The following RNF213 variants were observed in gnomAD, a reference collection of about 807,000 sequenced individuals.
The protein encoded by RNF213 is ring finger protein 213.
RNF213 carries 341 observed loss-of-function variants against 514.4 expected under a neutral mutation model. The observed-to-expected ratio is 0.66, with a 90% CI of 0.61 to 0.73. RNF213 has a LOEUF of 0.73. Among genes scored for constraint, RNF213 ranks in the 30% least tolerant of loss-of-function variants. The pLI is 0.00. For synonymous variants in RNF213, 2,655 were observed against 2,658.2 expected, an observed-to-expected ratio of 1.00 and a Z score of 0.04; for missense variants, 5,767 against 6,615.6, an observed-to-expected ratio of 0.87 and a Z score of 4.45.
rs1432586876 is a variant in RNF213 at position 80,381,580 on chromosome 17, G to A, written c.13831G>A (p.Asp4611Asn). The part of the protein sequence containing the change: ...LINIIKPPVR[D>N]PKGFLQQHIL... ...AAACATCATTAAGCCTCCAGTGAGG[G>A]ATCCAAAAGGCTTTCTGCAGCAGCA... Residue 4611 changes from aspartate to asparagine, a missense_variant, in exon 57 of 68, where the codon GAT becomes AAT. Asp to Asn is a conservative substitution (Grantham distance 23, BLOSUM62 1). This residue lies in a region of RNF213 where 1,245 missense variants were observed against 1,339.0 expected (regional missense o/e 0.93). Transcript: ENST00000582970. 2 of 1,614,174 alleles carry A rather than the reference G, an allele frequency of 1.2e-6. No homozygotes were observed. The highest frequency in any genetic ancestry group is 1.7e-5 in the Admixed American group (1 of 60,030).
intron 8 of RNF213, among the ~76,000 whole-genome samples, chr17:80,293,099 C>T (rs780563427): frequency 2.0e-5 from 3 of 151,910 alleles, no homozygotes; most frequent in Non-Finnish European, 2.9e-5. Flanking sequence ...GCTCTGTCAC[C>T]CAAGCTGGAG....
rs755923601 is a variant in RNF213 at position 80,332,068 on chromosome 17, A to G, written c.3580A>G (p.Thr1194Ala). 1 of 1,537,080 alleles carries G rather than the reference A, an allele frequency of 6.5e-7. No homozygotes were observed. Among genetic ancestry groups the G allele is most frequent in the East Asian group, 2.4e-5 (1 of 40,934 alleles). Residue 1194 changes from threonine to alanine, a missense_variant, in exon 21 of 68, where the codon ACC (threonine) becomes GCC (alanine). Physicochemically the swap from Thr to Ala is moderately conservative, Grantham distance 58. Transcript: ENST00000582970. ...QDLSSKRLNDTVTVRLSTSSN... is the reference protein window; with the variant it reads ...QDLSSKRLNDAVTVRLSTSSN... The stretch of plus-strand genomic sequence containing the variant: ...CCTCAGCAGTAAAAGATTAAATGAC[A>G]CCGTGACAGTGAGACTGTCCACCTC...
chr17:80,342,726 A>G (rs1217078687), intron 26 of RNF213, among the ~76,000 whole-genome samples: 1 of 141,666 alleles, frequency 7.1e-6, no homozygotes, highest in Non-Finnish European at 1.5e-5. Context: ...TAGTATGTAT[A>G]TATATATTAT....
Position 80,364,650 on chromosome 17 carries a change from T to C in RNF213, c.11871+97T>C, listed in dbSNP as rs537304842. 133 of 1,503,762 alleles carry C rather than the reference T, an allele frequency of 8.8e-5. 1 individual carries two copies. Among genetic ancestry groups the C allele is most frequent in the Admixed American group, 6.8e-4 (40 of 58,516 alleles). The allele number at this position is 1,503,762 out of a possible 1,614,324, so 93.2% of individuals were successfully genotyped here. A position where few individuals can be genotyped will look rare whatever the true frequency, so the allele number is the denominator to read the frequency against. On this transcript the variant is annotated intron_variant, in intron 42 of 67. Transcript: ENST00000582970. ...TGATCTGCGGCTGGGAGACGCTCTTTTGGCTCTGACCGTTTTGTCTAGACA... is the reference window on the plus strand; with the variant it reads ...TGATCTGCGGCTGGGAGACGCTCTTCTGGCTCTGACCGTTTTGTCTAGACA...
chr17:80,306,056 C>T (rs2045346171), intron 11 of RNF213, among the ~76,000 whole-genome samples, 196 bp from the exon 12 acceptor site: 1 of 152,016 alleles, frequency 6.6e-6, no homozygotes, highest in Non-Finnish European at 1.5e-5. Flanking sequence ...TTTCAAGCTC[C>T]TGGGCTCAAG....
chr17:80,339,786 G>A lies in RNF213; in HGVS notation c.5419G>A (p.Ala1807Thr), dbSNP rs1476005752. ...LDLETLGHCL[A>T]HLAGMGGSPV... ...CCTAGAGACCCTTGGCCACTGTCTG[G>A]CTCACCTGGCAGGGATGGGTGGGTC... is the stretch of plus-strand genomic sequence containing the variant. The change falls in exon 26 of 68, where the codon GCT (alanine) becomes ACT (threonine). Residue 1807 changes from alanine to threonine, a missense_variant. By Grantham distance (58) the Ala-to-Thr change is moderately conservative. Coordinates refer to ENST00000582970, the MANE Select transcript of RNF213 (RefSeq NM_001256071.3). 6.5e-7 allele frequency: 1 copy of A among 1,534,952 alleles called. No individual in the cohort carries two copies. The highest frequency in any genetic ancestry group is 8.7e-7 in the Non-Finnish European group (1 of 1,145,212).
intron 65 of RNF213, 125 bp from the exon 66 acceptor site, chr17:80,389,703 A>C: frequency 1.2e-6 from 1 of 839,604 alleles, no homozygotes. Flanking sequence ...GAGGGAGATC[A>C]CATTAGTACA....
intron 42 of RNF213, among the ~76,000 whole-genome samples, chr17:80,367,275 G>A (rs989675486): frequency 6.6e-6 from 1 of 152,172 alleles, no homozygotes; most frequent in Non-Finnish European, 1.5e-5. Context: ...GGGGAGGGAC[G>A]GAGGGATGTG....
intron 3 of RNF213, among the ~76,000 whole-genome samples, chr17:80,283,458 T>A (rs1224548203): frequency 1.1e-4 from 17 of 152,252 alleles, no homozygotes; most frequent in Non-Finnish European, 2.1e-4. Flanking sequence ...CTCCTGCAGT[T>A]GCGTCTGCGC....
intron 60 of RNF213, 49 bp downstream of exon 60, chr17:80,385,220 C>T (rs776914947): frequency 3.8e-5 from 62 of 1,611,636 alleles, no homozygotes; most frequent in East Asian, 6.7e-5. Context: ...TTTGGCGGTT[C>T]GAAAGGATCA....
At chr17:80,308,881 A>G (rs1329228126) in intron 13 of RNF213, 137 bp from the exon 14 acceptor site, 25 of 1,029,910 alleles carry the variant, frequency 2.4e-5, no homozygotes, top group Non-Finnish European at 3.6e-5. Context: ...GAGATTTTCC[A>G]GACGTTAACC....
intron 39 of RNF213, 149 bp from the exon 40 acceptor site, chr17:80,362,953 A>C (rs2144389207): frequency 3.9e-6 from 3 of 776,902 alleles, no homozygotes; most frequent in Non-Finnish European, 6.3e-6. Flanking sequence ...AGGCAGATAG[A>C]AAACTGGACA....
rs773440044 is a variant in RNF213 at position 80,295,783 on chromosome 17, A to T, written c.1982A>T (p.Asp661Val). 6.2e-7 allele frequency: 1 copy of T among 1,614,140 alleles called. No homozygotes were observed. Residue 661 changes from aspartate (D) to valine (V), a missense_variant, in exon 10 of 68, where the codon GAC becomes GTC. Asp to Val is a radical substitution (Grantham distance 152). Transcript: ENST00000582970. ...DASSPDEFHRDLSHILGIPQS... is the reference protein window; with the variant it reads ...DASSPDEFHRVLSHILGIPQS... ...AGCTCACCAGATGAGTTTCACCGTG[A>T]CCTAAGCCACATCCTTGGGATACCT...
intron 42 of RNF213, chr17:80,364,766 C>T (rs973576079): frequency 1.6e-5 from 9 of 576,800 alleles, no homozygotes; most frequent in Non-Finnish European, 2.8e-5. Context: ...TAAGTCAGAG[C>T]ATATCATTTA....
At chr17:80,368,624 G>A (rs1012296994) in intron 44 of RNF213, among the ~76,000 whole-genome samples, 8 of 152,010 alleles carry the variant, frequency 5.3e-5, no homozygotes, top group Admixed American at 5.2e-4. Context: ...GTAGAGACAG[G>A]GTTTCACCAT....
intron 30 of RNF213, 64 bp downstream of exon 30, chr17:80,349,970 T>A: frequency 6.3e-7 from 1 of 1,592,670 alleles, no homozygotes; most frequent in Non-Finnish European, 8.6e-7. Flanking sequence ...GGCTTCTGCG[T>A]GGCGATGGTA....
chr17:80,314,302 A>T lies in RNF213; in HGVS notation c.2811+1135A>T, dbSNP rs1256288640. On this transcript the variant is annotated intron_variant, in intron 15 of 67. Transcript: ENST00000582970. Reference sequence around the variant, plus strand: ...GAGGTACTGGAGGTGATGGTGGTGGACGTGATGGTGGAGGTAATGGAGGTG... The same window carrying T: ...GAGGTACTGGAGGTGATGGTGGTGGTCGTGATGGTGGAGGTAATGGAGGTG... Among the ~76,000 whole-genome samples the T allele has an allele frequency of 2.8e-4, 18 of 64,118 alleles. No homozygotes were observed. In the East Asian group the frequency reaches 4.5e-3, roughly 16 times the overall value. 42.1% of individuals were successfully genotyped at this position (64,118 alleles called of 152,430 possible).
At position 80,377,649 on chromosome 17, in the gene RNF213, A is replaced by G. The variant is rs1411104757; in HGVS notation, c.13511-113A>G. 2 of 1,107,040 alleles carry G rather than the reference A, an allele frequency of 1.8e-6. No homozygotes were observed. The highest frequency in any genetic ancestry group is 4.7e-5 in the East Asian group (2 of 42,626). 68.6% of individuals were successfully genotyped at this position (1,107,040 alleles called of 1,614,324 possible). A position where few individuals can be genotyped will look rare whatever the true frequency, so the allele number is the denominator to read the frequency against. On this transcript the variant is annotated intron_variant, in intron 53 of 67. Coordinates refer to ENST00000582970, the MANE Select transcript of RNF213 (RefSeq NM_001256071.3). This position sits in a 1 kb window ranked among gnomAD's most constrained non-coding sequence, Gnocchi z 4.1. ...CAAATTAGCGTGGGATGCTCTGGAC[A>G]GTCATTCTCATATTGTGGTCAGGGC...
rs200898632 is a variant in RNF213 at position 80,332,096 on chromosome 17, C to T, written c.3608C>T (p.Ser1203Leu). 333 of 1,537,192 alleles carry T rather than the reference C, an allele frequency of 2.2e-4. No homozygotes were observed. The highest frequency in any genetic ancestry group is 2.7e-4 in the Non-Finnish European group (307 of 1,146,918). ...DTVTVRLSTS[S>L]NSQRATHYHL... Reference sequence around the variant, plus strand: ...GTGACAGTGAGACTGTCCACCTCCTCGAACTCGCAGAGGGCAACGCATTAC... The same window carrying T: ...GTGACAGTGAGACTGTCCACCTCCTTGAACTCGCAGAGGGCAACGCATTAC... The change falls in exon 21 of 68, where the codon TCG becomes TTG. Residue 1203 changes from serine to leucine, a missense_variant. Coordinates refer to ENST00000582970, the MANE Select transcript of RNF213 (RefSeq NM_001256071.3).
Sources: gnomAD v4.1 joint callset for allele counts (sites outside exome capture counted in the v4.1 genomes callset) on GRCh38, gnomAD v4.1.1 for gene constraint, gnomAD v4.1.1 regional missense constraint, Gnocchi (gnomAD v3.1) non-coding constraint, MANE v1.5 for transcripts, NCBI Gene and HGNC (gene_info 2026-07-23, HGNC 2026-07-21) for gene names.